ANKRD42: variants seen among roughly 807,000 people sequenced by gnomAD.
ANKRD42 encodes the protein ankyrin repeat domain-containing protein 42.
ANKRD42 carries 43 observed loss-of-function variants against 51.5 expected under a neutral mutation model. That is an observed-to-expected ratio of 0.83 (90% CI 0.65 to 1.08). The LOEUF is 1.08. Ranked by LOEUF, ANKRD42 falls within the 50% of genes least tolerant of loss-of-function variation. The pLI is 0.00. For synonymous variants in ANKRD42, 203 were observed against 213.0 expected, an observed-to-expected ratio of 0.95 and a Z score of 0.41; for missense variants, 608 against 629.3, an observed-to-expected ratio of 0.97 and a Z score of 0.36.
At chr11:83,235,658 C>A (rs1036976213) in intron 7 of ANKRD42, among the ~76,000 whole-genome samples, 1 of 152,184 alleles carries the variant, frequency 6.6e-6, no homozygotes, top group African/African-American at 2.4e-5. Context: ...AAACTCAAGT[C>A]TTTCTTTTAA....
chr11:83,209,720 C>T, intron 3 of ANKRD42: 1 of 691,408 alleles, frequency 1.4e-6, no homozygotes, highest in Non-Finnish European at 2.7e-6. Flanking sequence ...TTTTTTGTTG[C>T]CTTCTTGTTT....
rs766210770 is a variant in ANKRD42, at chr11:83,194,719, G to A, written c.49G>A (p.Ala17Thr). 17 of 1,595,398 alleles carry A rather than the reference G, an allele frequency of 1.1e-5. No individual in the cohort carries two copies. Among genetic ancestry groups the A allele is most frequent in the Non-Finnish European group, 1.5e-5 (17 of 1,171,120 alleles). The change falls in exon 1 of 11, where the codon GCA becomes ACA. Residue 17 changes from alanine to threonine, a missense_variant. Transcript: ENST00000533342. ...CCCCTCCACTTCCTCTAGGGAGACTGCAAACCCCTGTGAGTCAGACTGTCA... is the reference window on the plus strand; with the variant it reads ...CCCCTCCACTTCCTCTAGGGAGACTACAAACCCCTGTGAGTCAGACTGTCA... ...SGPSTSSRET[A>T]NPCSRKKVHF...
intron 9 of ANKRD42, among the ~76,000 whole-genome samples, chr11:83,243,381 T>C (rs536877614): frequency 1.1e-4 from 16 of 152,362 alleles, no homozygotes; most frequent in African/African-American, 3.8e-4. Flanking sequence ...TTGTTTTCAT[T>C]GGAAATTTCC....
chr11:83,239,162 T>G (rs190794035), intron 8 of ANKRD42, among the ~76,000 whole-genome samples: 3 of 152,312 alleles, frequency 2.0e-5, no homozygotes, highest in Admixed American at 1.3e-4. Flanking sequence ...CATTTTCTAA[T>G]GAAAAATGAT....
chr11:83,209,990 G>T (rs1012547198), intron 3 of ANKRD42: 2 of 351,074 alleles, frequency 5.7e-6, no homozygotes, highest in African/African-American at 2.1e-5. Context: ...TTTTCCTGCC[G>T]GGTGTTGTAT....
intron 1 of ANKRD42, among the ~76,000 whole-genome samples, chr11:83,195,015 TG>T (rs1297582196): frequency 2.6e-5 from 4 of 152,220 alleles, no homozygotes; most frequent in Non-Finnish European, 4.4e-5. Flanking sequence ...AGTTCTTCCT[TG>T]ACTTCCCTGC....
chr11:83,244,810 G>A (rs1177010488), intron 9 of ANKRD42, among the ~76,000 whole-genome samples: 1 of 152,134 alleles, frequency 6.6e-6, no homozygotes, highest in African/African-American at 2.4e-5. Context: ...TTTGTGGCTG[G>A]TACTTTAAAA....
intron 5 of ANKRD42, among the ~76,000 whole-genome samples, chr11:83,211,680 G>A (rs1249511974): frequency 2.0e-5 from 3 of 151,754 alleles, no homozygotes; most frequent in Admixed American, 6.6e-5. Flanking sequence ...GTATTGTGGT[G>A]TGTGCCTGTA....
chr11:83,208,648 G>A (rs1375376767), intron 3 of ANKRD42, among the ~76,000 whole-genome samples: 1 of 152,154 alleles, frequency 6.6e-6, no homozygotes, highest in Non-Finnish European at 1.5e-5. Flanking sequence ...ACAGAGCGTA[G>A]TGAAAATTCA....
chr11:83,260,890 A>G (rs545939949), downstream of ANKRD42: 5 of 152,352 alleles, frequency 3.3e-5, no homozygotes, highest in East Asian at 1.9e-4. Context: ...CTAGATATCA[A>G]TGTTTGCTGA....
intron 11 of ANKRD42, chr11:83,255,800 G>A (rs142567438): frequency 6.9e-7 from 1 of 1,447,566 alleles, no homozygotes; most frequent in Non-Finnish European, 9.2e-7. Context: ...GAAAATGTGT[G>A]CTAGCATGAA....
intron 5 of ANKRD42, among the ~76,000 whole-genome samples, chr11:83,221,841 G>T (rs1862727295): frequency 6.6e-6 from 1 of 152,158 alleles, no homozygotes; most frequent in African/African-American, 2.4e-5. Flanking sequence ...CAGGACTGAG[G>T]ATGGTAGTCC....
chr11:83,231,446 A>G (rs1215228751), intron 7 of ANKRD42, among the ~76,000 whole-genome samples: 2 of 152,040 alleles, frequency 1.3e-5, no homozygotes, highest in Non-Finnish European at 2.9e-5. Flanking sequence ...TTTCTTATGT[A>G]TTTTGGTTAT....
At chr11:83,229,712 G>T (rs972464143) in intron 7 of ANKRD42, among the ~76,000 whole-genome samples, 2 of 152,140 alleles carry the variant, frequency 1.3e-5, no homozygotes. Flanking sequence ...AAAAGAGTTT[G>T]CTCTTCACCC....
At chr11:83,242,539 C>T (rs1863417388) in intron 9 of ANKRD42, among the ~76,000 whole-genome samples, 1 of 142,570 alleles carries the variant, frequency 7.0e-6, no homozygotes, top group Admixed American at 7.1e-5. Context: ...AGATTTCTGG[C>T]CTGGGGAATT....
At chr11:83,259,641 G>A (rs139359729), downstream of ANKRD42, 11 of 152,278 alleles carry the variant, frequency 7.2e-5, no homozygotes, top group African/African-American at 2.6e-4. Flanking sequence ...TTTATTTGCT[G>A]ATAAAACTAT....
chr11:83,194,262 C>G lies in ANKRD42; in HGVS notation c.-409C>G, dbSNP rs1327364793. On this transcript the variant is annotated 5_prime_UTR_variant, in exon 1 of 11. Coordinates refer to ENST00000533342, the MANE Select transcript of ANKRD42 (RefSeq NM_001300975.2). ...GTGGTCCTTGGGAGGGAGTCAGTGA[C>G]ATTCGGGACCCGCGAACTAGTGACT... The G allele has an allele frequency of 2.1e-6, 1 of 469,666 alleles. No individual in the cohort carries two copies. Among genetic ancestry groups the G allele is most frequent in the African/African-American group, 2.0e-5 (1 of 50,808 alleles). The allele number at this position is 469,666 out of a possible 1,614,324, so 29.1% of individuals were successfully genotyped here.
chr11:83,200,818 C>T (rs1861839895), intron 2 of ANKRD42, among the ~76,000 whole-genome samples: 1 of 152,116 alleles, frequency 6.6e-6, no homozygotes, highest in South Asian at 2.1e-4. Context: ...TAACTCTCTG[C>T]CCTCCATAGG....
intron 1 of ANKRD42, among the ~76,000 whole-genome samples, chr11:83,196,388 AGTGTGTGAGAGTGTGTGTGTGT>A (rs1565172848): frequency 8.7e-6 from 1 of 114,734 alleles, no homozygotes; most frequent in African/African-American, 4.6e-5. Context: ...TTTGTGTGTG[AGTGTGTGAGAGTGTGTGTGTGT>A]GTGTGTGTGT....
Sources: allele counts gnomAD v4.1 joint callset (sites outside exome capture counted in the v4.1 genomes callset), GRCh38; gene constraint gnomAD v4.1.1; transcripts MANE v1.5; gene names NCBI Gene and HGNC (gene_info 2026-07-23, HGNC 2026-07-21).